The following USP25 variants were observed in gnomAD, a reference collection of about 807,000 sequenced individuals.
The protein encoded by USP25 is ubiquitin carboxyl-terminal hydrolase 25.
A neutral mutation model predicts 158.5 loss-of-function variants in USP25; 85 were observed. The observed-to-expected ratio is 0.54, with a 90% confidence interval of 0.45 to 0.64. USP25 has a LOEUF of 0.64. Among genes scored for constraint, USP25 ranks in the 30% least tolerant of loss-of-function variants. The pLI, the probability that USP25 is intolerant of heterozygous loss-of-function variation, is 0.00. For missense variants in USP25, 1,242 were observed against 1,327.3 expected, an observed-to-expected ratio of 0.94 and a Z score of 1.00; for synonymous variants, 464 against 460.4, an observed-to-expected ratio of 1.01 and a Z score of -0.10.
In USP25 at chr21:15,858,460, A is replaced by AT. The variant is rs570361374; in HGVS notation, c.2548-5798dup. 2.2e-3 allele frequency among the ~76,000 whole-genome samples: 328 copies of AT among 146,580 alleles called. 1 individual carries two copies. The highest frequency in any genetic ancestry group is 3.9e-3 in the Non-Finnish European group (258 of 66,174). ...TTTATGAATAGGGTCATTTACTTCC[A>AT]TTTTTTTTTTAACCAGGTTATTGAA... On this transcript the variant is annotated intron_variant, in intron 20 of 25. Coordinates refer to ENST00000400183, the MANE Select transcript of USP25 (RefSeq NM_001283041.3).
chr21:15,876,267 T>TG (rs2040094241), intron 24 of USP25: 1 of 152,188 alleles, frequency 6.6e-6, no homozygotes, highest in South Asian at 2.1e-4. Flanking sequence ...AGTAAATACT[T>TG]GAAGATTTAT....
chr21:15,854,515 A>C (rs1333760104), intron 20 of USP25, among the ~76,000 whole-genome samples: 3 of 152,090 alleles, frequency 2.0e-5, no homozygotes, highest in African/African-American at 7.2e-5. Context: ...GGTCTATTTT[A>C]CATTAGCTTT....
chr21:15,739,579 G>A (rs2123202935), intron 1 of USP25, among the ~76,000 whole-genome samples: 2 of 152,144 alleles, frequency 1.3e-5, no homozygotes, highest in East Asian at 3.9e-4. Context: ...TTCTCCAGGG[G>A]CCACTCCACA....
chr21:15,876,257 A>G (rs1220426305), intron 24 of USP25: 1 of 152,196 alleles, frequency 6.6e-6, no homozygotes, highest in African/African-American at 2.4e-5. Flanking sequence ...CAAAAATTGT[A>G]GTAAATACTT....
In USP25 at chr21:15,818,679, A is replaced by G; in HGVS notation, c.932-19A>G. On this transcript the variant is annotated intron_variant, in intron 9 of 25. Coordinates refer to ENST00000400183, the MANE Select transcript of USP25 (RefSeq NM_001283041.3). ...CAGAAGGCCATATTGAGTATTATTA[A>G]TTTTCTCCCTTCTTATAGGTAAAAA... 1.3e-6 allele frequency: 2 copies of G among 1,596,994 alleles called. No homozygotes were observed. The highest frequency in any genetic ancestry group is 1.7e-6 in the Non-Finnish European group (2 of 1,170,488).
At chr21:15,790,650 CTTTTTTT>C (rs77394054) in intron 4 of USP25, among the ~76,000 whole-genome samples, 2 of 126,556 alleles carry the variant, frequency 1.6e-5, no homozygotes, top group African/African-American at 2.9e-5. Flanking sequence ...TAACAAGTTT[CTTTTTTT>C]TTTTTTTTTT....
intron 1 of USP25, among the ~76,000 whole-genome samples, chr21:15,742,700 G>C (rs1176257677): frequency 6.6e-6 from 1 of 152,190 alleles, no homozygotes; most frequent in African/African-American, 2.4e-5. Flanking sequence ...TCAATTTTTG[G>C]AGGGAAGAAG....
intron 15 of USP25, among the ~76,000 whole-genome samples, chr21:15,830,936 G>A (rs1003953097): frequency 1.3e-5 from 2 of 152,088 alleles, no homozygotes; most frequent in Non-Finnish European, 2.9e-5. Flanking sequence ...TCTTATGGGA[G>A]AAAATCTATG....
intron 24 of USP25, chr21:15,876,495 TTAAAA>T (rs1468591155): frequency 6.4e-6 from 1 of 156,318 alleles, no homozygotes; most frequent in African/African-American, 2.4e-5. Flanking sequence ...CTCAGGAAAC[TTAAAA>T]TGATGGCGGA....
rs1308564799 is a variant in USP25, at chr21:15,826,319, G to A, written c.1420G>A (p.Ala474Thr). ...VCTSPVDDID[A>T]SSPPSGSIPS... ...CACTTCTCCTGTTGACGATATTGAC[G>A]CTAGTTCCCCACCTAGTGGTTCCAT... Residue 474 changes from alanine to threonine, a missense_variant, in exon 13 of 26, where the codon GCT becomes ACT. Ala to Thr is a moderately conservative substitution (Grantham distance 58). This residue lies in a region of USP25 where 627 missense variants were observed against 701.4 expected (regional missense o/e 0.89). Coordinates refer to ENST00000400183, the MANE Select transcript of USP25 (RefSeq NM_001283041.3). This position sits in a 1 kb window ranked among gnomAD's most constrained non-coding sequence, Gnocchi z 4.8. 5 of 1,614,000 alleles carry A rather than the reference G, an allele frequency of 3.1e-6. No homozygotes were observed. The highest frequency in any genetic ancestry group is 2.2e-5 in the East Asian group (1 of 44,838).
At position 15,878,260 on chromosome 21, in the gene USP25, A is replaced by G. The variant is rs1178956537; in HGVS notation, c.3206-43A>G. ...AAATCATGTTGACAATGATCGTGTAATAATTTCTATCTTTAGTTAGATTTA... is the reference window on the plus strand; with the variant it reads ...AAATCATGTTGACAATGATCGTGTAGTAATTTCTATCTTTAGTTAGATTTA... On this transcript the variant is annotated intron_variant, in intron 25 of 25. Transcript: ENST00000400183. 2.5e-6 allele frequency: 4 copies of G among 1,582,042 alleles called. No individual in the cohort carries two copies. The East Asian group carries it at 6.8e-5, about 27-fold the overall frequency.
intron 18 of USP25, among the ~76,000 whole-genome samples, chr21:15,844,828 A>G (rs917345752): frequency 6.6e-6 from 1 of 152,090 alleles, no homozygotes; most frequent in Non-Finnish European, 1.5e-5. Context: ...TGAGTTGCAT[A>G]CAAAATTTTG....
intron 6 of USP25, among the ~76,000 whole-genome samples, chr21:15,803,627 A>C (rs75721139): frequency 0.096 from 14,587 of 151,856 alleles, 714 homozygotes; most frequent in African/African-American, 0.1. Flanking sequence ...GCAGAATTCC[A>C]CTAATTTCCA....
At position 15,808,886 on chromosome 21, in the gene USP25, G is replaced by T; in HGVS notation, c.857+1G>T. ...TCCAAATGAAAGCTGAAGAGGAGAC[G>T]TAAGTTACCGTGAAGTTTAGCAATG... On this transcript the variant is annotated splice_donor_variant, in intron 8 of 25. Coordinates refer to ENST00000400183, the MANE Select transcript of USP25 (RefSeq NM_001283041.3). LOFTEE classifies it high-confidence loss of function. 6.2e-7 allele frequency: 1 copy of T among 1,605,722 alleles called. No individual in the cohort carries two copies. The highest frequency in any genetic ancestry group is 8.5e-7 in the Non-Finnish European group (1 of 1,176,488).
intron 10 of USP25, among the ~76,000 whole-genome samples, chr21:15,819,263 G>A (rs1363691104): frequency 6.6e-6 from 1 of 152,160 alleles, no homozygotes; most frequent in Non-Finnish European, 1.5e-5. Flanking sequence ...TTGTAAAATT[G>A]CTATGTGATT....
intron 2 of USP25, among the ~76,000 whole-genome samples, chr21:15,763,762 TAA>T (rs1281010466): frequency 2.0e-5 from 3 of 152,212 alleles, no homozygotes; most frequent in Non-Finnish European, 2.9e-5. Flanking sequence ...ATGATTATAA[TAA>T]AAGTCATTAT....
chr21:15,785,420 G>T (rs949464919), intron 4 of USP25, among the ~76,000 whole-genome samples: 2 of 152,100 alleles, frequency 1.3e-5, no homozygotes, highest in Admixed American at 1.3e-4. Flanking sequence ...CTTTTCAACT[G>T]TGCATGGAAT....
chr21:15,827,238 T>G (rs776176841), intron 14 of USP25, 35 bp downstream of exon 14: 10 of 1,509,788 alleles, frequency 6.6e-6, no homozygotes, highest in Non-Finnish European at 9.2e-6. Context: ...TACTGTCACC[T>G]CAGATGGATA....
At chr21:15,834,079 T>A (rs1360950603) in intron 17 of USP25, among the ~76,000 whole-genome samples, 1 of 152,152 alleles carries the variant, frequency 6.6e-6, no homozygotes, top group East Asian at 1.9e-4. Flanking sequence ...ACCAAAACTA[T>A]TTAGTATATC....
Sources: gnomAD v4.1 joint callset for allele counts (sites outside exome capture counted in the v4.1 genomes callset) on GRCh38, gnomAD v4.1.1 for gene constraint, gnomAD v4.1.1 regional missense constraint, Gnocchi (gnomAD v3.1) non-coding constraint, MANE v1.5 for transcripts, NCBI Gene and HGNC (gene_info 2026-07-23, HGNC 2026-07-21) for gene names.